AP1S3: variants seen among roughly 807,000 people sequenced by gnomAD.
AP1S3 encodes AP-1 complex subunit sigma-3.
AP1S3 carries 10 observed loss-of-function variants against 20.9 expected under a neutral mutation model. The observed-to-expected ratio is 0.48, with a 90% CI of 0.29 to 0.81. AP1S3 has a LOEUF of 0.81. Among genes scored for constraint, AP1S3 ranks in the 30% least tolerant of loss-of-function variants. The pLI, the probability that AP1S3 is intolerant of heterozygous loss-of-function variation, is 0.08. For synonymous variants in AP1S3, 41 were observed against 61.5 expected (o/e 0.67, Z 1.56); for missense variants, 154 against 183.8 (o/e 0.84, Z 0.94).
intron 1 of AP1S3, among the ~76,000 whole-genome samples, chr2:223,820,475 A>G (rs1691961331): frequency 6.6e-6 from 1 of 152,060 alleles, no homozygotes; most frequent in East Asian, 1.9e-4. Context: ...AAGAAAATGA[A>G]CATAAAACTT....
chr2:223,837,227 CGCCGCGGCGCCGCGTT>C (rs1380445545), intron 1 of AP1S3, among the ~76,000 whole-genome samples: 2 of 150,710 alleles, frequency 1.3e-5, no homozygotes, highest in South Asian at 2.1e-4. Flanking sequence ...GGAGCCGCGG[CGCCGCGGCGCCGCGTT>C]GCCGCAGGAA....
At chr2:223,824,912 G>T (rs767846367) in intron 1 of AP1S3, among the ~76,000 whole-genome samples, 1 of 152,112 alleles carries the variant, frequency 6.6e-6, no homozygotes, top group Non-Finnish European at 1.5e-5. Context: ...AAATTCACAC[G>T]TGAGAAATGT....
At chr2:223,761,062 G>A (rs1355867770) in intron 4 of AP1S3, among the ~76,000 whole-genome samples, 1 of 152,162 alleles carries the variant, frequency 6.6e-6, no homozygotes, top group Admixed American at 6.5e-5. Context: ...TGTCTGAGCC[G>A]AGCCAGGCTG....
At chr2:223,820,993 C>A (rs1186132714) in intron 1 of AP1S3, among the ~76,000 whole-genome samples, 1 of 152,200 alleles carries the variant, frequency 6.6e-6, no homozygotes, top group East Asian at 1.9e-4. Context: ...AAAACACATA[C>A]TTCCCTATAC....
At chr2:223,800,734 TTAA>T (rs917643750) in intron 1 of AP1S3, among the ~76,000 whole-genome samples, 1 of 152,200 alleles carries the variant, frequency 6.6e-6, no homozygotes, top group Non-Finnish European at 1.5e-5. Flanking sequence ...AACATTATAC[TTAA>T]TGATGATATA....
At chr2:223,782,126 C>T (rs1261142045) in intron 1 of AP1S3, among the ~76,000 whole-genome samples, 1 of 151,818 alleles carries the variant, frequency 6.6e-6, no homozygotes, top group Non-Finnish European at 1.5e-5. Flanking sequence ...ATTCTCCTGC[C>T]TCAGCCCCCT....
chr2:223,813,583 A>T (rs1224988562), intron 1 of AP1S3, among the ~76,000 whole-genome samples: 1 of 152,220 alleles, frequency 6.6e-6, no homozygotes, highest in Admixed American at 6.5e-5. Flanking sequence ...GCAGGCTGGC[A>T]GCAGATCCCC....
chr2:223,777,993 T>C (rs1690830235), intron 1 of AP1S3, 124 bp from the exon 2 acceptor site: 1 of 847,202 alleles, frequency 1.2e-6, no homozygotes, highest in Non-Finnish European at 1.7e-6. Context: ...AAAAAATTCT[T>C]ACCAGCATGA....
At chr2:223,773,232 G>A (rs1690675589) in intron 3 of AP1S3, 2 of 1,238,782 alleles carry the variant, frequency 1.6e-6, no homozygotes, top group Admixed American at 2.9e-5. Flanking sequence ...TATCACAGTT[G>A]GTTTAATCTA....
At chr2:223,822,785 C>G (rs1175760675) in intron 1 of AP1S3, among the ~76,000 whole-genome samples, 1 of 152,068 alleles carries the variant, frequency 6.6e-6, no homozygotes, top group Non-Finnish European at 1.5e-5. Flanking sequence ...AAACAACCAA[C>G]AGAGTGAAGA....
chr2:223,832,807 CTT>C (rs66947467), intron 1 of AP1S3, among the ~76,000 whole-genome samples: 60,500 of 129,310 alleles, frequency 0.47, 13,672 homozygotes, highest in Admixed American at 0.56. Context: ...TTTCTTTTTT[CTT>C]TTTTTTTTTT....
intron 3 of AP1S3, among the ~76,000 whole-genome samples, chr2:223,775,241 G>A (rs964189703): frequency 1.3e-5 from 2 of 152,316 alleles, no homozygotes; most frequent in East Asian, 1.9e-4. Flanking sequence ...TCTGAGGACT[G>A]GAGCACCTAG....
intron 1 of AP1S3, among the ~76,000 whole-genome samples, chr2:223,812,023 C>T (rs1691742519): frequency 6.6e-6 from 1 of 152,166 alleles, no homozygotes; most frequent in African/African-American, 2.4e-5. Flanking sequence ...TGCCTTTATC[C>T]ACAAGGCAAT....
At chr2:223,826,314 C>CT (rs36060069) in intron 1 of AP1S3, among the ~76,000 whole-genome samples, 73,393 of 151,772 alleles carry the variant, frequency 0.48, 17,811 homozygotes, top group Middle Eastern at 0.57. Context: ...TAACTTGCGG[C>CT]AGGTATGGTG....
intron 1 of AP1S3, among the ~76,000 whole-genome samples, chr2:223,796,576 T>C (rs1691342691): frequency 6.6e-6 from 1 of 152,198 alleles, no homozygotes; most frequent in Admixed American, 6.5e-5. Flanking sequence ...ACCAATGGTC[T>C]TCTGATCATG....
intron 1 of AP1S3, among the ~76,000 whole-genome samples, chr2:223,788,576 AC>A (rs1400919845): frequency 7.1e-6 from 1 of 141,044 alleles, no homozygotes; most frequent in African/African-American, 2.7e-5. Flanking sequence ...ACATGGTGAA[AC>A]CCTGTCTCTA....
intron 1 of AP1S3, among the ~76,000 whole-genome samples, chr2:223,810,230 A>C (rs905642142): frequency 6.6e-5 from 10 of 152,160 alleles, no homozygotes; most frequent in Admixed American, 5.9e-4. Context: ...GACCCAGTGA[A>C]AATTTAGACT....
intron 1 of AP1S3, among the ~76,000 whole-genome samples, chr2:223,800,559 T>C (rs984712086): frequency 2.0e-5 from 3 of 151,900 alleles, no homozygotes; most frequent in Non-Finnish European, 4.4e-5. Flanking sequence ...ATATAATTTA[T>C]CACACCAACA....
chr2:223,836,410 C>T (rs1163009126), intron 1 of AP1S3, among the ~76,000 whole-genome samples: 1 of 152,182 alleles, frequency 6.6e-6, no homozygotes, highest in Non-Finnish European at 1.5e-5. Context: ...TATCCCCTGC[C>T]CTTACACACC....
Sources: gnomAD v4.1 joint callset for allele counts (sites outside exome capture counted in the v4.1 genomes callset) on GRCh38, gnomAD v4.1.1 for gene constraint, MANE v1.5 for transcripts, NCBI Gene and HGNC (gene_info 2026-07-23, HGNC 2026-07-21) for gene names.